Variants in CHCHD3 observed in about 807,000 individuals in gnomAD.
CHCHD3 encodes MICOS complex subunit MIC19.
CHCHD3 carries 20 observed loss-of-function variants against 38.2 expected under a neutral mutation model. The observed-to-expected ratio is 0.52, with a 90% CI of 0.37 to 0.76. The LOEUF is 0.76. Among genes scored for constraint, CHCHD3 ranks in the 30% least tolerant of loss-of-function variants. The pLI is 0.00. For missense variants in CHCHD3, 245 were observed against 279.2 expected (o/e 0.88, Z 0.87); for synonymous variants, 82 against 100.0 (o/e 0.82, Z 1.07).
intron 6 of CHCHD3, among the ~76,000 whole-genome samples, chr7:132,826,973 A>C (rs1807523894): frequency 2.0e-5 from 3 of 152,196 alleles, no homozygotes; most frequent in Admixed American, 1.3e-4. Context: ...AATGAAATAC[A>C]AGCAAGATTT....
chr7:132,972,352 T>A (rs1042255061), intron 4 of CHCHD3, among the ~76,000 whole-genome samples: 1 of 152,188 alleles, frequency 6.6e-6, no homozygotes, highest in Admixed American at 6.5e-5. Flanking sequence ...TATACTATTA[T>A]CTATGTTTGG....
At chr7:132,798,036 C>T (rs1040594273) in intron 6 of CHCHD3, among the ~76,000 whole-genome samples, 1 of 151,994 alleles carries the variant, frequency 6.6e-6, no homozygotes, top group African/African-American at 2.4e-5. Context: ...TCAAACAAAA[C>T]CCCTAGAGAA....
In CHCHD3 at chr7:132,800,243, TA is replaced by T. The variant is rs528759718; in HGVS notation, c.525-3667del. Reference sequence around the variant, plus strand: ...AAACATGGTGAAGGACATAAATTATTAACTACCATTTCTGATTATTACCTTA... The same window carrying T: ...AAACATGGTGAAGGACATAAATTATTACTACCATTTCTGATTATTACCTTA... On this transcript the variant is annotated intron_variant, in intron 6 of 7. Coordinates refer to ENST00000262570, the MANE Select transcript of CHCHD3 (RefSeq NM_017812.4). Among the ~76,000 whole-genome samples, 554 of 152,316 alleles carry T rather than the reference TA, an allele frequency of 3.6e-3. 8 individuals are homozygous for T. The highest frequency in any genetic ancestry group is 0.012 in the African/African-American group (519 of 41,568).
At chr7:133,045,191 G>C (rs190125878) in intron 2 of CHCHD3, among the ~76,000 whole-genome samples, 107 of 152,266 alleles carry the variant, frequency 7.0e-4, no homozygotes, top group African/African-American at 2.4e-3. Flanking sequence ...ATTAACAAAA[G>C]AAAGAGTAGA....
chr7:132,873,338 T>G (rs1015093060), intron 5 of CHCHD3, among the ~76,000 whole-genome samples: 1 of 152,076 alleles, frequency 6.6e-6, no homozygotes, highest in Non-Finnish European at 1.5e-5. Context: ...TGGTTTGTTC[T>G]AGGGATAGAA....
intron 2 of CHCHD3, among the ~76,000 whole-genome samples, chr7:133,054,944 C>G (rs766797070): frequency 6.6e-6 from 1 of 152,084 alleles, no homozygotes; most frequent in Admixed American, 6.6e-5. Flanking sequence ...ACAAAGGAAC[C>G]AGGGGCTCTC....
intron 5 of CHCHD3, among the ~76,000 whole-genome samples, chr7:132,857,229 ATTAAAT>A (rs1808363303): frequency 6.6e-6 from 1 of 152,092 alleles, no homozygotes; most frequent in South Asian, 2.1e-4. Flanking sequence ...AGGCTGTCTT[ATTAAAT>A]CCATGAAACT....
At chr7:132,846,230 A>G (rs1214609950) in intron 5 of CHCHD3, among the ~76,000 whole-genome samples, 1 of 152,176 alleles carries the variant, frequency 6.6e-6, no homozygotes, top group Non-Finnish European at 1.5e-5. Flanking sequence ...ATGGTGTACC[A>G]GTTTCAAACC....
intron 3 of CHCHD3, among the ~76,000 whole-genome samples, chr7:132,998,835 A>C (rs1812491735): frequency 6.6e-6 from 1 of 152,186 alleles, no homozygotes; most frequent in African/African-American, 2.4e-5. Context: ...TCAATGGGTA[A>C]TCTGCACAGA....
Position 133,049,985 on chromosome 7 carries a change from A to G in CHCHD3, c.169+20157T>C, listed in dbSNP as rs558253308. The stretch of plus-strand genomic sequence containing the variant: ...CGGTATCTTCCTGTCACTGTGGGCC[A>G]GGTGGTAGTCATAACATAGTTCATG... On this transcript the variant is annotated intron_variant, in intron 2 of 7. Coordinates refer to ENST00000262570, the MANE Select transcript of CHCHD3 (RefSeq NM_017812.4). Among the ~76,000 whole-genome samples the G allele has an allele frequency of 1.7e-4, 26 of 152,296 alleles. No individual in the cohort carries two copies. The South Asian group carries it at 4.6e-3, about 27-fold the overall frequency.
intron 6 of CHCHD3, among the ~76,000 whole-genome samples, chr7:132,833,497 T>A (rs1056219556): frequency 6.6e-6 from 1 of 152,188 alleles, no homozygotes; most frequent in African/African-American, 2.4e-5. Context: ...AGAACTAACT[T>A]TGAATTTTTT....
intron 5 of CHCHD3, among the ~76,000 whole-genome samples, chr7:132,873,152 G>A (rs949393546): frequency 6.6e-6 from 1 of 152,068 alleles, no homozygotes; most frequent in African/African-American, 2.4e-5. Flanking sequence ...GGAATCATAT[G>A]AGACTGAAAG....
chr7:132,923,559 CA>C (rs1810309595), intron 4 of CHCHD3, among the ~76,000 whole-genome samples: 1 of 152,102 alleles, frequency 6.6e-6, no homozygotes, highest in Admixed American at 6.5e-5. Context: ...TTCATAGCAA[CA>C]GGGGTATCAG....
At chr7:133,029,041 C>T (rs1349710168) in intron 2 of CHCHD3, among the ~76,000 whole-genome samples, 1 of 152,170 alleles carries the variant, frequency 6.6e-6, no homozygotes, top group East Asian at 1.9e-4. Flanking sequence ...CAACCTTGGA[C>T]TTCAAAGCCT....
chr7:133,045,758 G>A lies in CHCHD3; in HGVS notation c.170-21131C>T, dbSNP rs139357485. On this transcript the variant is annotated intron_variant, in intron 2 of 7. Coordinates refer to ENST00000262570, the MANE Select transcript of CHCHD3 (RefSeq NM_017812.4). ...TGTTGGAGGTGAGGCCTGATGGGAG[G>A]TGACTGGATCATGGGAGCTGATTTC... is the stretch of plus-strand genomic sequence containing the variant. 3.6e-3 allele frequency among the ~76,000 whole-genome samples: 552 copies of A among 152,248 alleles called. 3 individuals are homozygous for A. The highest frequency in any genetic ancestry group is 6.4e-3 in the Non-Finnish European group (437 of 68,024).
chr7:133,075,022 A>C (rs1256196461), intron 1 of CHCHD3, among the ~76,000 whole-genome samples: 1 of 152,202 alleles, frequency 6.6e-6, no homozygotes, highest in Non-Finnish European at 1.5e-5. Context: ...CCAGGCCTGC[A>C]GCTATTGCAA....
intron 4 of CHCHD3, among the ~76,000 whole-genome samples, chr7:132,900,073 C>T (rs1362356820): frequency 6.6e-6 from 1 of 152,206 alleles, no homozygotes; most frequent in East Asian, 1.9e-4. Flanking sequence ...GACTTGGCAC[C>T]AGCAGTGGGT....
chr7:133,013,689 GAAAA>G, intron 3 of CHCHD3, among the ~76,000 whole-genome samples: 1 of 151,754 alleles, frequency 6.6e-6, no homozygotes, highest in Non-Finnish European at 1.5e-5. Context: ...TGACTGAGTA[GAAAA>G]AAGCACGTTA....
intron 5 of CHCHD3, among the ~76,000 whole-genome samples, chr7:132,858,944 C>T (rs1808414307): frequency 6.6e-6 from 1 of 152,140 alleles, no homozygotes; most frequent in African/African-American, 2.4e-5. Context: ...TAAGGCCCTC[C>T]AAAATGAAAT....
Sources: allele counts gnomAD v4.1 joint callset (sites outside exome capture counted in the v4.1 genomes callset), GRCh38; gene constraint gnomAD v4.1.1; transcripts MANE v1.5; gene names NCBI Gene and HGNC (gene_info 2026-07-23, HGNC 2026-07-21).